The following ADAMTS3 variants were observed in gnomAD, a reference collection of about 807,000 sequenced individuals.
ADAMTS3 encodes the protein ADAM metallopeptidase with thrombospondin type 1 motif 3.
Under a neutral mutation model 129.0 loss-of-function variants are expected in ADAMTS3, and 73 were observed. That is an observed-to-expected ratio of 0.57 (90% confidence interval 0.47 to 0.69). The LOEUF (loss-of-function observed/expected upper bound fraction) is 0.69, where lower values mean the gene tolerates loss of function less well. Ranked by LOEUF, ADAMTS3 falls within the 30% of genes least tolerant of loss-of-function variation. ADAMTS3 has a pLI of 0.00. For synonymous variants in ADAMTS3, 477 were observed against 510.8 expected (o/e 0.93, Z 0.89); for missense variants, 1,457 against 1,514.5 (o/e 0.96, Z 0.63).
rs770350628 is a variant in ADAMTS3, at chr4:72,319,288, G to A, written c.1352+44C>T. 5.7e-5 allele frequency: 91 copies of A among 1,608,598 alleles called. No individual in the cohort carries two copies. The Admixed American group carries it at 1.2e-3, about 22-fold the overall frequency. On this transcript the variant is annotated intron_variant, in intron 9 of 21. Coordinates refer to ENST00000286657, the MANE Select transcript of ADAMTS3 (RefSeq NM_014243.3). ...CCTAAGAGTCAGTTTCATGTCTGTAGGCTATAAAATAAATACTTTCATGAC... is the reference window on the plus strand; with the variant it reads ...CCTAAGAGTCAGTTTCATGTCTGTAAGCTATAAAATAAATACTTTCATGAC...
intron 6 of ADAMTS3, among the ~76,000 whole-genome samples, chr4:72,321,726 T>C (rs565354428): frequency 6.6e-6 from 1 of 152,286 alleles, no homozygotes; most frequent in African/African-American, 2.4e-5. Flanking sequence ...TGATGAAATC[T>C]TAGTCTATGG....
chr4:72,392,532 C>T (rs529523329), intron 4 of ADAMTS3, among the ~76,000 whole-genome samples: 11 of 152,168 alleles, frequency 7.2e-5, no homozygotes, highest in African/African-American at 2.7e-4. Context: ...TTTTTCTTGT[C>T]TCTACCTGAC....
chr4:72,326,707 AT>A (rs1166384574), intron 5 of ADAMTS3, among the ~76,000 whole-genome samples: 1 of 152,138 alleles, frequency 6.6e-6, no homozygotes, highest in Non-Finnish European at 1.5e-5. Context: ...TAAAAAAAAA[AT>A]TGTGAGTGTA....
At chr4:72,566,374 T>C (rs1441692586) in intron 2 of ADAMTS3, among the ~76,000 whole-genome samples, 3 of 152,188 alleles carry the variant, frequency 2.0e-5, no homozygotes, top group Admixed American at 2.0e-4. Context: ...ATCTCTAACA[T>C]AGGCACAATA....
chr4:72,492,843 C>T (rs1013877507), intron 3 of ADAMTS3, among the ~76,000 whole-genome samples: 1 of 151,756 alleles, frequency 6.6e-6, no homozygotes, highest in African/African-American at 2.4e-5. Context: ...CAATTTCTGC[C>T]TTCAGATCTA....
chr4:72,317,872 C>CA lies in ADAMTS3; in HGVS notation c.1485+699dup, dbSNP rs201734583. Among the ~76,000 whole-genome samples the CA allele has an allele frequency of 8.1e-3, 1,234 of 151,964 alleles. 9 individuals carry two copies. The highest frequency in any genetic ancestry group is 0.035 in the South Asian group (167 of 4,812). ...TAAAACCCCGTCTCTACTAAAAATA[C>CA]AAAAAAATTAGCTGGCGGTGGTGGT... On this transcript the variant is annotated intron_variant, in intron 10 of 21. Transcript: ENST00000286657.
chr4:72,539,606 T>A (rs941013148), intron 3 of ADAMTS3, among the ~76,000 whole-genome samples: 3 of 151,948 alleles, frequency 2.0e-5, no homozygotes, highest in Non-Finnish European at 1.5e-5. Flanking sequence ...ACTTATATGG[T>A]CTGGCTGTGT....
intron 16 of ADAMTS3, among the ~76,000 whole-genome samples, chr4:72,304,414 A>T (rs962004753): frequency 3.7e-4 from 56 of 152,186 alleles, no homozygotes; most frequent in Admixed American, 1.3e-4. Context: ...AACTGGGAAT[A>T]TCTTGAAAAT....
At chr4:72,525,109 G>A (rs1560550576) in intron 3 of ADAMTS3, among the ~76,000 whole-genome samples, 1 of 152,172 alleles carries the variant, frequency 6.6e-6, no homozygotes, top group Non-Finnish European at 1.5e-5. Context: ...TTCTGCAACT[G>A]CAACCCAGAT....
At chr4:72,549,964 AGAAGAAGAAGAAGAAGAAGAAG>A (rs1560563698) in intron 2 of ADAMTS3, among the ~76,000 whole-genome samples, 831 of 67,492 alleles carry the variant, frequency 0.012, 91 homozygotes, top group African/African-American at 0.046. Flanking sequence ...AAAAAAAAAA[AGAAGAAGAAGAAGAAGAAGAAG>A]AAGAAGAGGA....
rs529721461 is a variant in ADAMTS3 at position 72,469,656 on chromosome 4, T to C, written c.505-54685A>G. 3.3e-5 allele frequency among the ~76,000 whole-genome samples: 5 copies of C among 152,194 alleles called. 1 individual carries two copies. In the South Asian group the frequency reaches 1.0e-3, roughly 32 times the overall value. ...CAGATGTGAACTGTGTGCATCCATT[T>C]ATACATGGATCTTCTGCCTTTGCCA... On this transcript the variant is annotated intron_variant, in intron 3 of 21. Coordinates refer to ENST00000286657, the MANE Select transcript of ADAMTS3 (RefSeq NM_014243.3).
chr4:72,352,609 T>C (rs1720470165), intron 4 of ADAMTS3, among the ~76,000 whole-genome samples: 1 of 151,930 alleles, frequency 6.6e-6, no homozygotes, highest in Non-Finnish European at 1.5e-5. Context: ...CACAGCTTAA[T>C]AGGAAAGAAG....
chr4:72,375,007 T>C (rs560270007), intron 4 of ADAMTS3, among the ~76,000 whole-genome samples: 1 of 152,334 alleles, frequency 6.6e-6, no homozygotes, highest in South Asian at 2.1e-4. Context: ...TATTACATGA[T>C]GGGAGATCAC....
In ADAMTS3 at chr4:72,381,859, T is replaced by C. The variant is rs552839279; in HGVS notation, c.661+32956A>G. On this transcript the variant is annotated intron_variant, in intron 4 of 21. Transcript: ENST00000286657. ...ATAATATAAGAAATAAATTGAAATA[T>C]TGATAACCAGGAAGTTTGAAAGAAA... 9.2e-5 allele frequency among the ~76,000 whole-genome samples: 14 copies of C among 152,284 alleles called. No individual in the cohort carries two copies. In the East Asian group the frequency reaches 2.7e-3, roughly 29 times the overall value.
At chr4:72,305,392 TAAG>T (rs1471560212) in intron 16 of ADAMTS3, among the ~76,000 whole-genome samples, 1 of 152,058 alleles carries the variant, frequency 6.6e-6, no homozygotes, top group African/African-American at 2.4e-5. Context: ...ACAATAAAAA[TAAG>T]GATACGTACA....
intron 3 of ADAMTS3, among the ~76,000 whole-genome samples, chr4:72,468,192 C>T (rs1051568368): frequency 5.9e-5 from 9 of 151,952 alleles, no homozygotes; most frequent in African/African-American, 2.2e-4. Flanking sequence ...CATTTACAAA[C>T]TCTAACTTAA....
rs1719316831 is a variant in ADAMTS3, at chr4:72,313,922, T to G, written c.1600-100A>C. ...TAGTTGAAGGGCTTTCTTACTGCTCTTTTTTCTTCCAGGTGGAGATGCATT... is the reference window on the plus strand; with the variant it reads ...TAGTTGAAGGGCTTTCTTACTGCTCGTTTTTCTTCCAGGTGGAGATGCATT... On this transcript the variant is annotated intron_variant, in intron 11 of 21. Coordinates refer to ENST00000286657, the MANE Select transcript of ADAMTS3 (RefSeq NM_014243.3). 1.7e-5 allele frequency: 23 copies of G among 1,360,324 alleles called. No homozygotes were observed. In the South Asian group the frequency reaches 2.7e-4, roughly 16 times the overall value. 84.3% of individuals were successfully genotyped at this position (1,360,324 alleles called of 1,614,324 possible). A position where few individuals can be genotyped will look rare whatever the true frequency, so the allele number is the denominator to read the frequency against.
At chr4:72,295,546 A>G (rs562106491) in intron 19 of ADAMTS3, 108 bp downstream of exon 19, 1 of 1,153,132 alleles carries the variant, frequency 8.7e-7, no homozygotes, top group Non-Finnish European at 1.2e-6. Context: ...TATTTAAACC[A>G]TGTCTATATA....
chr4:72,383,875 G>A (rs1221562600), intron 4 of ADAMTS3, among the ~76,000 whole-genome samples: 2 of 152,078 alleles, frequency 1.3e-5, no homozygotes, highest in African/African-American at 2.4e-5. Flanking sequence ...TGAATCAGAT[G>A]TTAGAATTAG....
Sources: gnomAD v4.1 joint callset for allele counts (sites outside exome capture counted in the v4.1 genomes callset) on GRCh38, gnomAD v4.1.1 for gene constraint, MANE v1.5 for transcripts, NCBI Gene and HGNC (gene_info 2026-07-23, HGNC 2026-07-21) for gene names.